Variants in CLVS1 observed in about 807,000 individuals in gnomAD.
CLVS1 encodes clavesin 1, also known as clavesin-1.
A neutral mutation model predicts 33.1 loss-of-function variants in CLVS1; 10 were observed. The observed-to-expected ratio is 0.30, with a 90% CI of 0.19 to 0.51. CLVS1 has a LOEUF of 0.51. CLVS1 is among the 20% of genes least tolerant of loss of function. The pLI, the probability that CLVS1 is intolerant of heterozygous loss-of-function variation, is 0.97. For synonymous variants in CLVS1, 163 were observed against 166.1 expected (o/e 0.98, Z 0.14); for missense variants, 343 against 433.4 (o/e 0.79, Z 1.85).
rs1248810656 is a variant in CLVS1 at position 61,500,589 on chromosome 8, T to G, written c.*1047T>G. On this transcript the variant is annotated 3_prime_UTR_variant, in exon 6 of 6. Transcript: ENST00000325897. ...CAAAGGTCATTTTATTTACCTAGTC[T>G]CCTTAGAAATGGAGTCCCCAACTAC... 2 of 152,086 alleles carry G rather than the reference T, an allele frequency of 1.3e-5. No individual in the cohort carries two copies. Among genetic ancestry groups the G allele is most frequent in the Non-Finnish European group, 2.9e-5 (2 of 68,026 alleles). The allele number at this position is 152,086 out of a possible 1,614,324, so 9.4% of individuals were successfully genotyped here. A position where few individuals can be genotyped will look rare whatever the true frequency, so the allele number is the denominator to read the frequency against.
At chr8:61,034,735 A>G in the CLVS1 span, among the ~76,000 whole-genome samples, 6 of 152,208 alleles carry the variant, frequency 3.9e-5, no homozygotes, top group African/African-American at 1.2e-4. Flanking sequence ...ATTTTATTTT[A>G]CTTGCAATGG....
At chr8:61,190,448 A>G (rs527528694) in intron 2 of CLVS1, among the ~76,000 whole-genome samples, 31 of 152,336 alleles carry the variant, frequency 2.0e-4, no homozygotes, top group African/African-American at 7.0e-4. Flanking sequence ...ACACCCTAAC[A>G]TCACAATTGA....
intron 1 of CLVS1, among the ~76,000 whole-genome samples, chr8:61,293,869 A>G (rs1810090871): frequency 6.6e-6 from 1 of 152,118 alleles, no homozygotes; most frequent in Non-Finnish European, 1.5e-5. Flanking sequence ...CAAAACAAAT[A>G]TGGCTATTGT....
intron 2 of CLVS1, among the ~76,000 whole-genome samples, chr8:61,165,777 C>A (rs566115139): frequency 6.6e-6 from 1 of 152,220 alleles, no homozygotes; most frequent in South Asian, 2.1e-4. Context: ...GGCTGTGTCA[C>A]GGGCCATGGT....
At chr8:60,997,203 G>T in the CLVS1 span, among the ~76,000 whole-genome samples, 1 of 152,284 alleles carries the variant, frequency 6.6e-6, no homozygotes, top group Non-Finnish European at 1.5e-5. Context: ...TGCAGCTGCA[G>T]TGCGGAGAGG....
chr8:61,464,864 A>G (rs1031378727), intron 5 of CLVS1: 17 of 152,396 alleles, frequency 1.1e-4, no homozygotes, highest in African/African-American at 4.1e-4. Flanking sequence ...CTGTTGGCGT[A>G]TATCTCCTGT....
chr8:61,028,167 T>C, the CLVS1 span, among the ~76,000 whole-genome samples: 1 of 152,334 alleles, frequency 6.6e-6, no homozygotes, highest in East Asian at 1.9e-4. Flanking sequence ...ACAAATCTAT[T>C]TGGCAAGGCA....
the CLVS1 span, among the ~76,000 whole-genome samples, chr8:61,039,031 G>A: frequency 6.6e-6 from 1 of 152,106 alleles, no homozygotes; most frequent in Admixed American, 6.5e-5. Flanking sequence ...ACACACTTTT[G>A]TTTTAGTCAT....
chr8:61,427,966 C>G (rs1815956849), intron 3 of CLVS1, among the ~76,000 whole-genome samples: 1 of 152,166 alleles, frequency 6.6e-6, no homozygotes, highest in Non-Finnish European at 1.5e-5. Context: ...ACACGATATG[C>G]ACCAATAACA....
the CLVS1 span, among the ~76,000 whole-genome samples, chr8:61,051,963 C>A: frequency 6.6e-6 from 1 of 152,240 alleles, no homozygotes; most frequent in Non-Finnish European, 1.5e-5. Flanking sequence ...TCTGACCTCA[C>A]CTTTGCTGGC....
intron 1 of CLVS1, among the ~76,000 whole-genome samples, chr8:61,107,100 A>G (rs1315512970): frequency 6.6e-6 from 1 of 152,176 alleles, no homozygotes; most frequent in Admixed American, 6.5e-5. Flanking sequence ...CATTCATTTT[A>G]TGTCCTCATT....
At chr8:61,073,764 G>A (rs113286120) in intron 1 of CLVS1, among the ~76,000 whole-genome samples, 167 of 152,166 alleles carry the variant, frequency 1.1e-3, no homozygotes, top group African/African-American at 3.8e-3. Flanking sequence ...TGTAATCCCA[G>A]CACTTTGGGA....
intron 3 of CLVS1, among the ~76,000 whole-genome samples, chr8:61,422,613 A>T (rs1815722556): frequency 6.6e-6 from 1 of 152,178 alleles, no homozygotes; most frequent in Admixed American, 6.5e-5. Flanking sequence ...CCACCTGAAA[A>T]CACAAACCGT....
At chr8:60,997,063 TA>T in the CLVS1 span, among the ~76,000 whole-genome samples, 2 of 151,960 alleles carry the variant, frequency 1.3e-5, no homozygotes, top group East Asian at 3.9e-4. Context: ...AGGTTTAAAA[TA>T]AAAAAAATTT....
upstream of CLVS1, among the ~76,000 whole-genome samples, chr8:61,283,098 C>T (rs1256452234): frequency 6.6e-6 from 1 of 152,162 alleles, no homozygotes; most frequent in African/African-American, 2.4e-5. Context: ...CATCTGAGAT[C>T]CCGCAGCTAA....
intron 2 of CLVS1, among the ~76,000 whole-genome samples, chr8:61,223,220 A>G (rs1585702274): frequency 1.3e-5 from 2 of 152,170 alleles, no homozygotes; most frequent in Non-Finnish European, 2.9e-5. Flanking sequence ...TCCTGTCATC[A>G]AGATGCTATT....
intron 2 of CLVS1, among the ~76,000 whole-genome samples, chr8:61,148,442 A>G (rs904044411): frequency 2.6e-5 from 4 of 152,210 alleles, no homozygotes; most frequent in Non-Finnish European, 4.4e-5. Context: ...AAAAAAGTCC[A>G]CACAAGGCTC....
chr8:61,020,300 A>C, the CLVS1 span, among the ~76,000 whole-genome samples: 1 of 152,204 alleles, frequency 6.6e-6, no homozygotes, highest in African/African-American at 2.4e-5. Flanking sequence ...CCTTTTTGGA[A>C]ACATTTCAGT....
chr8:60,997,238 G>A, the CLVS1 span, among the ~76,000 whole-genome samples: 3 of 151,980 alleles, frequency 2.0e-5, no homozygotes, highest in Admixed American at 6.6e-5. Context: ...AGGAAGGAGC[G>A]AAAACTCGGG....
Sources: gnomAD v4.1 joint callset for allele counts (sites outside exome capture counted in the v4.1 genomes callset) on GRCh38, gnomAD v4.1.1 for gene constraint, MANE v1.5 for transcripts, NCBI Gene and HGNC (gene_info 2026-07-23, HGNC 2026-07-21) for gene names.